FMN1: variants seen among roughly 807,000 people sequenced by gnomAD.
FMN1 encodes the protein formin-1.
Under a neutral mutation model 132.4 loss-of-function variants are expected in FMN1, and 110 were observed. The observed-to-expected ratio is 0.83, with a 90% CI of 0.71 to 0.97. FMN1 has a LOEUF of 0.97. FMN1 is among the 50% of genes least tolerant of loss of function. The pLI, the probability that FMN1 is intolerant of heterozygous loss-of-function variation, is 0.00. For synonymous variants in FMN1, 722 were observed against 651.7 expected, an observed-to-expected ratio of 1.11 and a Z score of -1.64; for missense variants, 1,792 against 1,705.3, an observed-to-expected ratio of 1.05 and a Z score of -0.90.
Position 32,955,884 on chromosome 15 carries a change from A to G in FMN1, c.3138+8223T>C, listed in dbSNP as rs571675445. On this transcript the variant is annotated intron_variant, in intron 9 of 20. Coordinates refer to ENST00000616417, the MANE Select transcript of FMN1 (RefSeq NM_001277313.2). Reference sequence around the variant, plus strand: ...AAAGGAATTCCAGAATCAGTCCCAAAGACGCTAACTCTAATATTCCATATA... The same window carrying G: ...AAAGGAATTCCAGAATCAGTCCCAAGGACGCTAACTCTAATATTCCATATA... Among the ~76,000 whole-genome samples the G allele has an allele frequency of 5.8e-4, 89 of 152,252 alleles. 1 individual carries two copies. Among genetic ancestry groups the G allele is most frequent in the African/African-American group, 2.1e-3 (86 of 41,556 alleles).
At chr15:32,994,212 C>CTCTCTCTCTCTCTCTCTCT (rs2033623199) in intron 7 of FMN1, among the ~76,000 whole-genome samples, 1 of 146,390 alleles carries the variant, frequency 6.8e-6, no homozygotes, top group Non-Finnish European at 1.5e-5. Context: ...AGAACTCATT[C>CTCTCTCTCTCTCTCTCTCT]CTCTCTCTCT....
chr15:33,112,230 TAATTA>T (rs1359524969), intron 4 of FMN1, among the ~76,000 whole-genome samples: 1 of 152,102 alleles, frequency 6.6e-6, no homozygotes, highest in East Asian at 1.9e-4. Flanking sequence ...TATAAAGGTA[TAATTA>T]AAGAGATGGT....
chr15:32,832,489 G>C (rs1433160955), intron 17 of FMN1, among the ~76,000 whole-genome samples: 1 of 152,108 alleles, frequency 6.6e-6, no homozygotes, highest in Non-Finnish European at 1.5e-5. Flanking sequence ...GTATTTTCAA[G>C]GCAGAGGGGG....
At chr15:32,911,056 G>A (rs2060549824) in intron 10 of FMN1, among the ~76,000 whole-genome samples, 1 of 152,178 alleles carries the variant, frequency 6.6e-6, no homozygotes, top group African/African-American at 2.4e-5. Context: ...AACAATAATT[G>A]CATCAATAGC....
At position 32,991,209 on chromosome 15, in the gene FMN1, C is replaced by T. The variant is rs77526168; in HGVS notation, c.2223+16805G>A. Among the ~76,000 whole-genome samples the T allele has an allele frequency of 4.1e-3, 626 of 152,224 alleles. 34 individuals are homozygous for T. In the East Asian group the frequency reaches 0.11, roughly 27 times the overall value. On this transcript the variant is annotated intron_variant, in intron 7 of 20. Transcript: ENST00000616417. ...TTTTCTCTCGGTTTCAGAAGAAATG[C>T]CACCTCTTTCTTCCCAGAATCTCCT...
chr15:32,959,904 A>C (rs2030306608), intron 9 of FMN1, among the ~76,000 whole-genome samples: 1 of 152,246 alleles, frequency 6.6e-6, no homozygotes, highest in South Asian at 2.1e-4. Context: ...AAGTAAATTT[A>C]ATACGATCCT....
intron 4 of FMN1, among the ~76,000 whole-genome samples, chr15:33,121,717 C>G (rs1436064156): frequency 2.0e-5 from 3 of 152,024 alleles, no homozygotes; most frequent in African/African-American, 7.3e-5. Flanking sequence ...TTAGTAGAGA[C>G]AAGATTTCAC....
intron 17 of FMN1, among the ~76,000 whole-genome samples, chr15:32,850,686 G>A (rs937492679): frequency 3.9e-5 from 6 of 152,140 alleles, no homozygotes; most frequent in African/African-American, 1.4e-4. Flanking sequence ...AACAGACACA[G>A]TCCCAGCTGT....
chr15:33,011,656 T>A (rs1222794362), intron 6 of FMN1, among the ~76,000 whole-genome samples: 1 of 152,094 alleles, frequency 6.6e-6, no homozygotes, highest in Non-Finnish European at 1.5e-5. Flanking sequence ...CAATCTATCA[T>A]CAATAGAGAT....
intron 5 of FMN1, among the ~76,000 whole-genome samples, chr15:33,082,924 A>G (rs987372119): frequency 2.0e-5 from 3 of 152,204 alleles, no homozygotes; most frequent in Admixed American, 2.0e-4. Flanking sequence ...GTCCCATACA[A>G]TATTTGGAAA....
At chr15:32,863,370 C>T (rs28539628) in intron 16 of FMN1, among the ~76,000 whole-genome samples, 1 of 152,088 alleles carries the variant, frequency 6.6e-6, no homozygotes, top group Non-Finnish European at 1.5e-5. Flanking sequence ...GGAGGCGGAG[C>T]TTGCAGTGAG....
At chr15:33,048,538 A>G (rs751701730) in intron 6 of FMN1, among the ~76,000 whole-genome samples, 47 of 150,192 alleles carry the variant, frequency 3.1e-4, no homozygotes, top group Non-Finnish European at 6.2e-4. Flanking sequence ...TGAGACTACT[A>G]AAAAAAAAGT....
intron 7 of FMN1, among the ~76,000 whole-genome samples, chr15:33,007,465 G>A (rs888519032): frequency 2.0e-5 from 3 of 152,072 alleles, no homozygotes; most frequent in Non-Finnish European, 4.4e-5. Flanking sequence ...CAGCACAAGG[G>A]AAATGATCCC....
At chr15:33,071,136 A>G (rs1306341013) in intron 5 of FMN1, among the ~76,000 whole-genome samples, 1 of 152,200 alleles carries the variant, frequency 6.6e-6, no homozygotes. Flanking sequence ...AATGACACAG[A>G]AGACAAACAT....
intron 7 of FMN1, among the ~76,000 whole-genome samples, chr15:32,994,279 C>T (rs1020536871): frequency 2.6e-5 from 4 of 151,526 alleles, no homozygotes; most frequent in South Asian, 4.2e-4. Context: ...ACCTGGGTCT[C>T]GATATAAATT....
At chr15:32,978,726 T>C (rs945616608) in intron 7 of FMN1, among the ~76,000 whole-genome samples, 13 of 152,318 alleles carry the variant, frequency 8.5e-5, no homozygotes, top group Admixed American at 4.6e-4. Context: ...ATCATTTTAA[T>C]ATTTCCCTCT....
rs146657223 is a variant in FMN1, at chr15:33,034,701, A to G, written c.2162-26626T>C. ...TTTTTTTTTTACTACCTCCATCACT[A>G]CAACTACAGTCCAAGCCACCACCTC... On this transcript the variant is annotated intron_variant, in intron 6 of 20. Transcript: ENST00000616417. Among the ~76,000 whole-genome samples the G allele has an allele frequency of 6.6e-4, 101 of 152,192 alleles. No individual in the cohort carries two copies. In the Middle Eastern group the frequency reaches 0.01, roughly 15 times the overall value.
At chr15:33,106,283 C>T (rs1157348993) in intron 4 of FMN1, 1 of 151,486 alleles carries the variant, frequency 6.6e-6, no homozygotes, top group African/African-American at 2.4e-5. Flanking sequence ...TCCACACACA[C>T]ACACACACAC....
chr15:33,045,384 A>G (rs142429277), intron 6 of FMN1, among the ~76,000 whole-genome samples: 2,361 of 152,312 alleles, frequency 0.016, 51 homozygotes, highest in South Asian at 0.089. Context: ...TGCAGTCCAG[A>G]GCAAAACTCA....
Sources: gnomAD v4.1 joint callset for allele counts (sites outside exome capture counted in the v4.1 genomes callset) on GRCh38, gnomAD v4.1.1 for gene constraint, MANE v1.5 for transcripts, NCBI Gene and HGNC (gene_info 2026-07-23, HGNC 2026-07-21) for gene names.